The following SLC2A12 variants were observed in gnomAD, a reference collection of about 807,000 sequenced individuals.
SLC2A12 encodes solute carrier family 2, facilitated glucose transporter member 12.
Under a neutral mutation model 41.8 loss-of-function variants are expected in SLC2A12, and 23 were observed. The ratio of observed to expected loss-of-function variants is 0.55; its 90% CI spans 0.40 to 0.78. The LOEUF is 0.78. Among genes scored for constraint, SLC2A12 ranks in the 30% least tolerant of loss-of-function variants. The pLI is 0.00. For missense variants in SLC2A12, 654 were observed against 745.6 expected, an observed-to-expected ratio of 0.88 and a Z score of 1.43; for synonymous variants, 295 against 285.9, an observed-to-expected ratio of 1.03 and a Z score of -0.32.
rs928564561 is a variant in SLC2A12, at chr6:133,989,617, T to G, written c.*1538A>C. 2.0e-5 allele frequency: 3 copies of G among 152,186 alleles called. No individual in the cohort carries two copies. Among genetic ancestry groups the G allele is most frequent in the Non-Finnish European group, 2.9e-5 (2 of 68,026 alleles). The allele number at this position is 152,186 out of a possible 1,614,324, so 9.4% of individuals were successfully genotyped here. Reference sequence around the variant, plus strand: ...AATTGAGATCTCCAATCTCCTTTCCTTTTAGCTTCCCCCTGCCAATTTTTA... The same window carrying G: ...AATTGAGATCTCCAATCTCCTTTCCGTTTAGCTTCCCCCTGCCAATTTTTA... On this transcript the variant is annotated 3_prime_UTR_variant, in exon 5 of 5. Transcript: ENST00000275230.
intron 3 of SLC2A12, among the ~76,000 whole-genome samples, chr6:134,004,537 A>G (rs1285888225): frequency 6.6e-6 from 1 of 152,190 alleles, no homozygotes; most frequent in Non-Finnish European, 1.5e-5. Flanking sequence ...TATAAAGACA[A>G]TATATATGAA....
At chr6:134,019,197 A>G (rs1406309666) in intron 2 of SLC2A12, among the ~76,000 whole-genome samples, 1 of 152,190 alleles carries the variant, frequency 6.6e-6, no homozygotes, top group Non-Finnish European at 1.5e-5. Flanking sequence ...AAAAAGCCCT[A>G]ATAATTATTA....
intron 3 of SLC2A12, among the ~76,000 whole-genome samples, chr6:134,003,353 T>C (rs576574059): frequency 6.6e-6 from 1 of 152,288 alleles, no homozygotes; most frequent in Non-Finnish European, 1.5e-5. Context: ...CTCTGGAGCT[T>C]AAAACCAGAA....
At position 134,020,261 on chromosome 6, in the gene SLC2A12, T is replaced by C. The variant is rs555406590; in HGVS notation, c.1444+8120A>G. On this transcript the variant is annotated intron_variant, in intron 2 of 4. Transcript: ENST00000275230. ...CCAATCCATATTTAAGAAGGTCTAA[T>C]AAGGATGGTTTAATCTTGCTTTCAA... is the stretch of plus-strand genomic sequence containing the variant. Among the ~76,000 whole-genome samples, 15 of 152,334 alleles carry C rather than the reference T, an allele frequency of 9.8e-5. No individual in the cohort carries two copies. The South Asian group carries it at 2.9e-3, about 29-fold the overall frequency.
At chr6:134,016,859 T>A (rs922662640) in intron 2 of SLC2A12, among the ~76,000 whole-genome samples, 2 of 152,220 alleles carry the variant, frequency 1.3e-5, no homozygotes, top group African/African-American at 4.8e-5. Context: ...GCTGAGATAA[T>A]CTATTGAAAT....
chr6:134,012,044 A>C (rs1025007341), intron 2 of SLC2A12, among the ~76,000 whole-genome samples: 1 of 152,164 alleles, frequency 6.6e-6, no homozygotes, highest in African/African-American at 2.4e-5. Flanking sequence ...TGCCTCCCCC[A>C]AAATAAATAA....
chr6:134,027,940 C>T (rs1450320002), intron 2 of SLC2A12, among the ~76,000 whole-genome samples: 2 of 152,150 alleles, frequency 1.3e-5, no homozygotes, highest in Admixed American at 1.3e-4. Flanking sequence ...TAATGTCTTC[C>T]TTCTTTACTA....
At chr6:134,047,759 G>A (rs1178446099) in intron 1 of SLC2A12, among the ~76,000 whole-genome samples, 5 of 152,218 alleles carry the variant, frequency 3.3e-5, no homozygotes, top group African/African-American at 1.2e-4. Context: ...TTAACAACTA[G>A]GACAGAGGCA....
chr6:133,999,777 T>C (rs1776733728), intron 4 of SLC2A12, among the ~76,000 whole-genome samples: 1 of 152,052 alleles, frequency 6.6e-6, no homozygotes. Context: ...TCATGGGAAA[T>C]AGTTGTTTTC....
chr6:134,027,468 A>G (rs1430490336), intron 2 of SLC2A12, among the ~76,000 whole-genome samples: 1 of 152,186 alleles, frequency 6.6e-6, no homozygotes, highest in African/African-American at 2.4e-5. Context: ...AGAGGGAGAG[A>G]CTTAGAAAGA....
intron 2 of SLC2A12, among the ~76,000 whole-genome samples, chr6:134,010,681 C>A (rs1776868582): frequency 6.6e-6 from 1 of 152,138 alleles, no homozygotes; most frequent in African/African-American, 2.4e-5. Context: ...GGTATTAAAT[C>A]ATCAAGGCTG....
Position 133,991,002 on chromosome 6 carries a change from G to A in SLC2A12, c.*153C>T. 1 of 828,298 alleles carries A rather than the reference G, an allele frequency of 1.2e-6. No homozygotes were observed. Among genetic ancestry groups the A allele is most frequent in the Admixed American group, 2.7e-5 (1 of 37,166 alleles). The allele number at this position is 828,298 out of a possible 1,614,324, so 51.3% of individuals were successfully genotyped here. On this transcript the variant is annotated 3_prime_UTR_variant, in exon 5 of 5. Transcript: ENST00000275230. ...TTGAGGTTCCTTCTGGGGAGGAGGGGGATTAAAGGCTGTCTTTATCATTTC... is the reference window on the plus strand; with the variant it reads ...TTGAGGTTCCTTCTGGGGAGGAGGGAGATTAAAGGCTGTCTTTATCATTTC...
At chr6:133,991,864 A>G (rs1776627901) in intron 4 of SLC2A12, among the ~76,000 whole-genome samples, 1 of 152,184 alleles carries the variant, frequency 6.6e-6, no homozygotes. Flanking sequence ...TTGAGTAGAT[A>G]AAGACTTCTG....
intron 1 of SLC2A12, among the ~76,000 whole-genome samples, chr6:134,031,623 C>T (rs1313863460): frequency 6.6e-6 from 1 of 151,948 alleles, no homozygotes; most frequent in Non-Finnish European, 1.5e-5. Flanking sequence ...GCGCAACATA[C>T]CAACATAGGG....
rs2247159 is a variant in SLC2A12, at chr6:134,032,177, T to C, written c.104-2456A>G. On this transcript the variant is annotated intron_variant, in intron 1 of 4. Transcript: ENST00000275230. ...AAGGTATTTTCCATCTCCAGGATCC[T>C]AGTAGGCTATGGGAATTGGCAGCCC... Among the ~76,000 whole-genome samples, 772 of 151,866 alleles carry C rather than the reference T, an allele frequency of 5.1e-3. 3 individuals carry two copies. Among genetic ancestry groups the C allele is most frequent in the Admixed American group, 0.011 (162 of 15,246 alleles).
At chr6:134,027,659 CAA>C (rs1777133116) in intron 2 of SLC2A12, among the ~76,000 whole-genome samples, 1 of 152,080 alleles carries the variant, frequency 6.6e-6, no homozygotes, top group African/African-American at 2.4e-5. Context: ...GGCTAATAGA[CAA>C]GAGAACTACA....
At chr6:134,051,878 A>G (rs1398548024) in intron 1 of SLC2A12, among the ~76,000 whole-genome samples, 2 of 152,200 alleles carry the variant, frequency 1.3e-5, no homozygotes, top group Non-Finnish European at 2.9e-5. Context: ...CATAACTAAT[A>G]ATTTTATGAA....
At chr6:134,010,523 C>T (rs1032691460) in intron 2 of SLC2A12, among the ~76,000 whole-genome samples, 2 of 152,132 alleles carry the variant, frequency 1.3e-5, no homozygotes, top group African/African-American at 2.4e-5. Flanking sequence ...GTTTGAGGAC[C>T]GCCTCAGCAA....
At chr6:134,045,626 T>C (rs779113354) in intron 1 of SLC2A12, among the ~76,000 whole-genome samples, 2 of 152,202 alleles carry the variant, frequency 1.3e-5, no homozygotes, top group East Asian at 1.9e-4. Context: ...TAGTAAATGA[T>C]TGGTAAATGT....
Sources: allele counts gnomAD v4.1 joint callset (sites outside exome capture counted in the v4.1 genomes callset), GRCh38; gene constraint gnomAD v4.1.1; transcripts MANE v1.5; gene names NCBI Gene and HGNC (gene_info 2026-07-23, HGNC 2026-07-21).